MET: variants seen among roughly 807,000 people sequenced by gnomAD.
MET encodes hepatocyte growth factor receptor.
In MET, 48 loss-of-function variants were observed where a neutral mutation model predicts 133.1. The ratio of observed to expected loss-of-function variants is 0.36; its 90% confidence interval spans 0.29 to 0.46. MET has a LOEUF of 0.46. Ranked by LOEUF, MET falls within the 20% of genes least tolerant of loss-of-function variation. MET has a pLI of 1.00. For synonymous variants in MET, 628 were observed against 616.5 expected (o/e 1.02, Z -0.28); for missense variants, 1,442 against 1,695.9 (o/e 0.85, Z 2.63).
chr7:116,672,356 G>T lies in MET; in HGVS notation c.-236G>T. Reference sequence around the variant, plus strand: ...GGGAAGGGGCGGAGGGAGTGCGGCCGGCGGGCGGGCGGGGCGCTGGGCTCA... The same window carrying T: ...GGGAAGGGGCGGAGGGAGTGCGGCCTGCGGGCGGGCGGGGCGCTGGGCTCA... On this transcript the variant is annotated 5_prime_UTR_variant, in exon 1 of 21. Coordinates refer to ENST00000397752, the MANE Select transcript of MET (RefSeq NM_000245.4). 8.9e-6 allele frequency: 3 copies of T among 337,480 alleles called. No individual in the cohort carries two copies. Among genetic ancestry groups the T allele is most frequent in the South Asian group, 1.4e-4 (1 of 7,230 alleles). The allele number at this position is 337,480 out of a possible 1,614,324, so 20.9% of individuals were successfully genotyped here.
At chr7:116,730,278 AAAG>A (rs1792951715) in intron 2 of MET, among the ~76,000 whole-genome samples, 1 of 152,206 alleles carries the variant, frequency 6.6e-6, no homozygotes, top group Admixed American at 6.5e-5. Flanking sequence ...TGGAGCGCTG[AAAG>A]AAGGCCTGCT....
At chr7:116,678,743 A>G (rs1474648846) in intron 1 of MET, among the ~76,000 whole-genome samples, 1 of 152,030 alleles carries the variant, frequency 6.6e-6, no homozygotes, top group Admixed American at 6.6e-5. Context: ...GAGTGTATCT[A>G]GACCAGCATT....
intron 11 of MET, among the ~76,000 whole-genome samples, chr7:116,764,762 C>T (rs1794557108): frequency 6.6e-6 from 1 of 152,144 alleles, no homozygotes; most frequent in African/African-American, 2.4e-5. Context: ...GCAAAAAACA[C>T]TTTATTTTCT....
At chr7:116,719,369 A>T (rs1260007248) in intron 2 of MET, among the ~76,000 whole-genome samples, 15 of 151,448 alleles carry the variant, frequency 9.9e-5, no homozygotes, top group East Asian at 1.9e-4. Flanking sequence ...GTTTGAGTTC[A>T]TTGTAGATTC....
intron 12 of MET, 121 bp downstream of exon 12, chr7:116,769,912 C>A: frequency 7.5e-7 from 1 of 1,337,124 alleles, no homozygotes; most frequent in Non-Finnish European, 1.1e-6. Context: ...ATCAACTCAG[C>A]CTGCATTCCT....
chr7:116,680,048 G>A (rs1331410213), intron 1 of MET, among the ~76,000 whole-genome samples: 1 of 151,962 alleles, frequency 6.6e-6, no homozygotes, highest in African/African-American at 2.4e-5. Flanking sequence ...ATCACATTTG[G>A]GGTGATGGAA....
chr7:116,760,646 C>A (rs1010662415), intron 10 of MET, among the ~76,000 whole-genome samples: 1 of 152,126 alleles, frequency 6.6e-6, no homozygotes, highest in Admixed American at 6.5e-5. Context: ...AAGACTAAAG[C>A]CACAATGTTC....
At chr7:116,675,151 T>A (rs10271561) in intron 1 of MET, among the ~76,000 whole-genome samples, 2 of 152,124 alleles carry the variant, frequency 1.3e-5, no homozygotes, top group African/African-American at 4.8e-5. Context: ...CAGAATCACT[T>A]TGATGATGTG....
intron 3 of MET, among the ~76,000 whole-genome samples, chr7:116,733,622 C>T (rs1318129903): frequency 6.6e-6 from 1 of 152,054 alleles, no homozygotes; most frequent in Non-Finnish European, 1.5e-5. Context: ...TGTCTCCTAG[C>T]CTTTGTGTAA....
intron 19 of MET, among the ~76,000 whole-genome samples, chr7:116,784,426 T>C (rs1040858792): frequency 1.1e-4 from 17 of 152,162 alleles, no homozygotes; most frequent in Non-Finnish European, 5.9e-5. Flanking sequence ...GAGATTTAAT[T>C]GGCTCACAGT....
Position 116,771,878 on chromosome 7 carries a change from G to T in MET, c.2917G>T (p.Ala973Ser). 6.2e-7 allele frequency: 1 copy of T among 1,613,672 alleles called. No individual in the cohort carries two copies. Among genetic ancestry groups the T allele is most frequent in the East Asian group, 2.2e-5 (1 of 44,864 alleles). The change falls in exon 14 of 21, where the codon GCA (alanine) becomes TCA (serine). Residue 973 changes from alanine (A) to serine (S), a missense_variant. Physicochemically the swap from Ala to Ser is moderately conservative, Grantham distance 99. This residue lies in a region of MET where 514 missense variants were observed against 659.6 expected (regional missense o/e 0.78). Transcript: ENST00000397752. ...GGGCAGTGAATTAGTTCGCTACGATGCAAGAGTACACACTCCTCATTTGGA... is the reference window on the plus strand; with the variant it reads ...GGGCAGTGAATTAGTTCGCTACGATTCAAGAGTACACACTCCTCATTTGGA... The part of the protein sequence containing the change: ...DLGSELVRYD[A>S]RVHTPHLDRL...
intron 5 of MET, among the ~76,000 whole-genome samples, chr7:116,746,553 G>T (rs1793695614): frequency 6.6e-6 from 1 of 152,148 alleles, no homozygotes; most frequent in Non-Finnish European, 1.5e-5. Context: ...ATGATAGACT[G>T]GATTAAGAAA....
rs764052874 is a variant in MET, at chr7:116,699,872, C to T, written c.788C>T (p.Thr263Met). ...FESNNFIYFL[T>M]VQRETLDAQT... ...AGCAACAATTTTATTTACTTCTTGA[C>T]GGTCCAAAGGGAAACTCTAGATGCT... The change falls in exon 2 of 21, where the codon ACG becomes ATG. Residue 263 changes from threonine to methionine, a missense_variant. Transcript: ENST00000397752. 41 of 1,613,940 alleles carry T rather than the reference C, an allele frequency of 2.5e-5. No individual in the cohort carries two copies. The highest frequency in any genetic ancestry group is 2.9e-5 in the Non-Finnish European group (34 of 1,179,968).
At chr7:116,793,361 G>A (rs1397739698) in intron 19 of MET, among the ~76,000 whole-genome samples, 4 of 151,700 alleles carry the variant, frequency 2.6e-5, no homozygotes, top group African/African-American at 9.7e-5. Context: ...TTTTAGTAGA[G>A]ACAGGGTTTC....
In MET at chr7:116,797,591, G is replaced by C. The variant is rs1356749515; in HGVS notation, c.*1467G>C. Reference sequence around the variant, plus strand: ...CATGTGGTGTAGGTTACTCTAACTGGTTTTGTCGACGTAAACATTTAAAGT... The same window carrying C: ...CATGTGGTGTAGGTTACTCTAACTGCTTTTGTCGACGTAAACATTTAAAGT... On this transcript the variant is annotated 3_prime_UTR_variant, in exon 21 of 21. Transcript: ENST00000397752. The C allele has an allele frequency of 8.8e-6, 2 of 226,034 alleles. No homozygotes were observed. Among genetic ancestry groups the C allele is most frequent in the Non-Finnish European group, 8.8e-6 (1 of 113,462 alleles). 14.0% of individuals were successfully genotyped at this position (226,034 alleles called of 1,614,324 possible).
intron 19 of MET, among the ~76,000 whole-genome samples, chr7:116,793,767 C>T (rs1304696380): frequency 3.3e-5 from 5 of 151,892 alleles, no homozygotes; most frequent in African/African-American, 1.2e-4. Context: ...GGCATGGTGG[C>T]AGGCGCCTAT....
chr7:116,688,241 T>C (rs907688326), intron 1 of MET, among the ~76,000 whole-genome samples: 1 of 152,114 alleles, frequency 6.6e-6, no homozygotes, highest in Non-Finnish European at 1.5e-5. Context: ...TTTTTTTTTT[T>C]AATATATAGA....
At chr7:116,728,262 C>G (rs1792869754) in intron 2 of MET, among the ~76,000 whole-genome samples, 2 of 152,104 alleles carry the variant, frequency 1.3e-5, no homozygotes, top group South Asian at 4.1e-4. Context: ...GATCCTATTC[C>G]AACATTGTGC....
intron 11 of MET, among the ~76,000 whole-genome samples, chr7:116,766,686 T>G (rs1794640402): frequency 6.6e-6 from 1 of 152,192 alleles, no homozygotes; most frequent in East Asian, 1.9e-4. Flanking sequence ...CAACGCTTAC[T>G]CTCAAACTAG....
Sources: allele counts gnomAD v4.1 joint callset (sites outside exome capture counted in the v4.1 genomes callset), GRCh38; gene constraint gnomAD v4.1.1; regional missense constraint gnomAD v4.1.1; transcripts MANE v1.5; gene names NCBI Gene and HGNC (gene_info 2026-07-23, HGNC 2026-07-21).